The following STK32B variants were observed in gnomAD, a reference collection of about 807,000 sequenced individuals.
STK32B encodes the protein serine/threonine kinase 32B, also known as serine/threonine-protein kinase 32B.
Under a neutral mutation model 52.6 loss-of-function variants are expected in STK32B, and 43 were observed. The observed-to-expected ratio is 0.82, with a 90% CI of 0.64 to 1.05. The LOEUF is 1.05. Among genes scored for constraint, STK32B ranks in the 50% least tolerant of loss-of-function variants. STK32B has a pLI of 0.00. For missense variants in STK32B, 621 were observed against 534.6 expected, an observed-to-expected ratio of 1.16 and a Z score of -1.59; for synonymous variants, 238 against 204.3, an observed-to-expected ratio of 1.17 and a Z score of -1.41.
At chr4:5,473,182 A>T (rs1349051727) in intron 11 of STK32B, among the ~76,000 whole-genome samples, 1 of 152,150 alleles carries the variant, frequency 6.6e-6, no homozygotes, top group Non-Finnish European at 1.5e-5. Flanking sequence ...CTGTGCTTTC[A>T]TCCAGTTGTT....
Position 5,469,119 on chromosome 4 carries a change from C to A in STK32B, c.1106+1049C>A, listed in dbSNP as rs1270990246. Among the ~76,000 whole-genome samples the A allele has an allele frequency of 2.0e-5, 3 of 151,892 alleles. No homozygotes were observed. The highest frequency in any genetic ancestry group is 4.4e-5 in the Non-Finnish European group (3 of 68,022). On this transcript the variant is annotated intron_variant, in intron 11 of 11. Coordinates refer to ENST00000282908, the MANE Select transcript of STK32B (RefSeq NM_018401.3). This position sits in a 1 kb window ranked among gnomAD's most constrained non-coding sequence, Gnocchi z 4.7. Reference sequence around the variant, plus strand: ...TGACTTGTCAGAGCTGGGGCTCCAGCAGGGGCAGCCGATGAGCCCCATTGG... The same window carrying A: ...TGACTTGTCAGAGCTGGGGCTCCAGAAGGGGCAGCCGATGAGCCCCATTGG...
chr4:5,029,606 A>G, the STK32B span, among the ~76,000 whole-genome samples: 1 of 152,166 alleles, frequency 6.6e-6, no homozygotes, highest in Non-Finnish European at 1.5e-5. Context: ...AACAACCCAT[A>G]CAGCCTGGAA....
At chr4:5,209,911 T>C (rs1174529698) in intron 3 of STK32B, among the ~76,000 whole-genome samples, 1 of 152,224 alleles carries the variant, frequency 6.6e-6, no homozygotes, top group Non-Finnish European at 1.5e-5. Context: ...GATTGTTTCC[T>C]CTATACCACT....
At chr4:5,325,919 A>T (rs1045106212) in intron 3 of STK32B, among the ~76,000 whole-genome samples, 1 of 152,242 alleles carries the variant, frequency 6.6e-6, no homozygotes, top group Non-Finnish European at 1.5e-5. Flanking sequence ...ATGAAAGGTC[A>T]TTCTGTGTTC....
chr4:5,444,106 C>T (rs1715097294), intron 6 of STK32B, among the ~76,000 whole-genome samples: 1 of 152,206 alleles, frequency 6.6e-6, no homozygotes, highest in African/African-American at 2.4e-5. Flanking sequence ...AGGCAGGCCT[C>T]CTTGAGCTGT....
intron 3 of STK32B, among the ~76,000 whole-genome samples, chr4:5,237,683 CAG>C (rs1560247946): frequency 6.6e-6 from 1 of 152,176 alleles, no homozygotes; most frequent in Admixed American, 6.5e-5. Flanking sequence ...TGTGTGTCCA[CAG>C]AGATGCATAT....
chr4:5,338,163 G>A (rs757386547), intron 4 of STK32B, among the ~76,000 whole-genome samples: 1 of 152,110 alleles, frequency 6.6e-6, no homozygotes, highest in Admixed American at 6.5e-5. Flanking sequence ...AGGGATTGTT[G>A]TATTGTAACA....
chr4:5,031,135 T>C, the STK32B span, among the ~76,000 whole-genome samples: 2 of 152,186 alleles, frequency 1.3e-5, no homozygotes, highest in Non-Finnish European at 1.5e-5. Flanking sequence ...CTTCAACTGA[T>C]TGGACGAGGC....
At chr4:5,407,179 A>G (rs1737737316) in intron 5 of STK32B, among the ~76,000 whole-genome samples, 3 of 152,046 alleles carry the variant, frequency 2.0e-5, no homozygotes, top group African/African-American at 2.4e-5. Context: ...AGGGCCTCCA[A>G]CCTCTTTGCC....
chr4:5,079,179 A>G (rs1560140335), intron 1 of STK32B, among the ~76,000 whole-genome samples: 1 of 152,164 alleles, frequency 6.6e-6, no homozygotes, highest in African/African-American at 2.4e-5. Flanking sequence ...AGAATACTCC[A>G]TCATTGGGCC....
Position 5,051,766 on chromosome 4 carries a change from G to A in STK32B, c.-98G>A. 6.6e-7 allele frequency: 1 copy of A among 1,516,076 alleles called. No individual in the cohort carries two copies. The highest frequency in any genetic ancestry group is 2.5e-5 in the East Asian group (1 of 39,930). 93.9% of individuals were successfully genotyped at this position (1,516,076 alleles called of 1,614,324 possible). Reference sequence around the variant, plus strand: ...TCCGCGCGCGGCTACAACCCGGACTGGGCGCGCCCCCGGCATCCCGCATCT... The same window carrying A: ...TCCGCGCGCGGCTACAACCCGGACTAGGCGCGCCCCCGGCATCCCGCATCT... On this transcript the variant is annotated 5_prime_UTR_variant, in exon 1 of 12. Transcript: ENST00000282908.
intron 3 of STK32B, among the ~76,000 whole-genome samples, chr4:5,313,588 T>G (rs919572108): frequency 6.8e-6 from 1 of 146,938 alleles, no homozygotes; most frequent in Admixed American, 6.6e-5. Context: ...GATGGCATAG[T>G]TATTTACATT....
chr4:5,291,576 G>C (rs10009157), intron 3 of STK32B, among the ~76,000 whole-genome samples: 1 of 151,884 alleles, frequency 6.6e-6, no homozygotes, highest in African/African-American at 2.4e-5. Context: ...AGAATTACAC[G>C]CAAATCAAGT....
intron 4 of STK32B, among the ~76,000 whole-genome samples, chr4:5,350,039 G>A (rs1336675038): frequency 6.6e-6 from 1 of 152,200 alleles, no homozygotes; most frequent in African/African-American, 2.4e-5. Context: ...GGAGAATAGA[G>A]AAGGAAGGGA....
intron 3 of STK32B, among the ~76,000 whole-genome samples, chr4:5,204,458 T>TTG (rs1553850285): frequency 2.7e-5 from 4 of 146,756 alleles, no homozygotes; most frequent in Admixed American, 6.8e-5. Flanking sequence ...TTTTTAGGTT[T>TTG]TTTTGTTTTG....
At chr4:5,296,285 G>T (rs145383517) in intron 3 of STK32B, among the ~76,000 whole-genome samples, 3,555 of 152,202 alleles carry the variant, frequency 0.023, 87 homozygotes, top group Non-Finnish European at 0.029. Context: ...GGTTCACTTG[G>T]TCTAGAGCTG....
At chr4:5,136,314 C>G (rs923677575) in intron 1 of STK32B, among the ~76,000 whole-genome samples, 2 of 152,190 alleles carry the variant, frequency 1.3e-5, no homozygotes, top group Admixed American at 6.5e-5. Flanking sequence ...CACTGACACT[C>G]CTTTGCCTTT....
At chr4:5,285,909 C>A (rs1414696920) in intron 3 of STK32B, among the ~76,000 whole-genome samples, 1 of 152,076 alleles carries the variant, frequency 6.6e-6, no homozygotes, top group Non-Finnish European at 1.5e-5. Context: ...TATTTGGAGA[C>A]AGGTTCTTTA....
chr4:5,276,561 C>G (rs895431909), intron 3 of STK32B, among the ~76,000 whole-genome samples: 1 of 151,992 alleles, frequency 6.6e-6, no homozygotes, highest in Non-Finnish European at 1.5e-5. Flanking sequence ...GTTGCAGATT[C>G]TTTGCTGAGA....
Sources: gnomAD v4.1 joint callset for allele counts (sites outside exome capture counted in the v4.1 genomes callset) on GRCh38, gnomAD v4.1.1 for gene constraint, Gnocchi (gnomAD v3.1) non-coding constraint, MANE v1.5 for transcripts, NCBI Gene and HGNC (gene_info 2026-07-23, HGNC 2026-07-21) for gene names.